Variants in CPT1C observed in about 807,000 individuals in gnomAD.
CPT1C encodes the protein carnitine palmitoyltransferase 1C, also known as palmitoyl thioesterase CPT1C.
CPT1C carries 61 observed loss-of-function variants against 97.3 expected under a neutral mutation model. The observed-to-expected ratio is 0.63, with a 90% CI of 0.51 to 0.78. The LOEUF (loss-of-function observed/expected upper bound fraction) is 0.78. CPT1C is among the 30% of genes least tolerant of loss of function. The probability of loss-of-function intolerance (pLI) is 0.00; values close to 1 mark genes in which losing one functional copy is unlikely to be tolerated. For synonymous variants in CPT1C, 469 were observed against 447.2 expected (o/e 1.05, Z -0.61); for missense variants, 975 against 1,065.5 (o/e 0.92, Z 1.18).
At chr19:49,712,903 T>G (rs2084000610) in intron 18 of CPT1C, 54 bp downstream of exon 18, 1 of 1,588,848 alleles carries the variant, frequency 6.3e-7, no homozygotes, top group African/African-American at 1.3e-5. Flanking sequence ...CTGGGGGGCC[T>G]GCACTCCTGC....
chr19:49,700,787 C>A lies in CPT1C; in HGVS notation c.385C>A (p.Leu129Ile). The change falls in exon 5 of 20, where the codon CTT (leucine) becomes ATT (isoleucine). Residue 129 changes from leucine to isoleucine, a missense_variant. This residue lies in a region of CPT1C where 596 missense variants were observed against 603.1 expected (regional missense o/e 0.99). Transcript: ENST00000598293. The part of the protein sequence containing the change: ...IFTLHVALRL[L>I]LSYHGWLLEP... Reference sequence around the variant, plus strand: ...CACACTGCACGTGGCCCTGAGGCTGCTTCTGTCCTACCACGGCTGGCTTCT... The same window carrying A: ...CACACTGCACGTGGCCCTGAGGCTGATTCTGTCCTACCACGGCTGGCTTCT... The A allele has an allele frequency of 6.2e-7, 1 of 1,613,494 alleles. No individual in the cohort carries two copies.
At chr19:49,694,895 C>T (rs1398375612) in intron 3 of CPT1C, among the ~76,000 whole-genome samples, 1 of 152,136 alleles carries the variant, frequency 6.6e-6, no homozygotes, top group Admixed American at 6.5e-5. Context: ...AATCCCAGCA[C>T]TTTGGGAGGC....
chr19:49,710,631 G>C, intron 15 of CPT1C, 92 bp from the exon 16 acceptor site: 1 of 1,568,084 alleles, frequency 6.4e-7, no homozygotes, highest in Non-Finnish European at 8.8e-7. Flanking sequence ...GGGCTGGCTG[G>C]AGGAGGCTGG....
rs2083490130 is a variant in CPT1C at position 49,706,200 on chromosome 19, G to T, written c.1161-31G>T. The T allele has an allele frequency of 6.5e-7, 1 of 1,543,088 alleles. No individual in the cohort carries two copies. Among genetic ancestry groups the T allele is most frequent in the Middle Eastern group, 1.7e-4 (1 of 5,726 alleles). On this transcript the variant is annotated intron_variant, in intron 11 of 19. Coordinates refer to ENST00000598293, the MANE Select transcript of CPT1C (RefSeq NM_001199753.2). This position sits in a 1 kb window ranked among gnomAD's most constrained non-coding sequence, Gnocchi z 4.8. Reference sequence around the variant, plus strand: ...GTGGGGCCAGGTGGCGGCTGGGCAGGATGGACTCAGGCACATCCCGGGCCC... The same window carrying T: ...GTGGGGCCAGGTGGCGGCTGGGCAGTATGGACTCAGGCACATCCCGGGCCC...
chr19:49,708,814 G>A lies in CPT1C; in HGVS notation c.1541G>A (p.Arg514Gln), dbSNP rs150853576. 6.1e-4 allele frequency: 976 copies of A among 1,613,024 alleles called. 1 individual carries two copies. The highest frequency in any genetic ancestry group is 8.0e-4 in the Non-Finnish European group (941 of 1,179,362). Residue 514 changes from arginine (R) to glutamine (Q), a missense_variant, in exon 14 of 20, where the codon CGG becomes CAG. Transcript: ENST00000598293. ...GACCCCACACTACCCCAGCCCCAGC[G>A]GCTGCAATGGGACCTTCCAGACCAG... ...HPDPTLPQPQRLQWDLPDQIH... is the reference protein window; with the variant it reads ...HPDPTLPQPQQLQWDLPDQIH...
Position 49,710,460 on chromosome 19 carries a change from C to G in CPT1C, c.1707C>G (p.Ile569Met). 1 of 1,614,206 alleles carries G rather than the reference C, an allele frequency of 6.2e-7. No individual in the cohort carries two copies. The change falls in exon 15 of 20, where the codon ATC becomes ATG. Residue 569 changes from isoleucine (I) to methionine (M), a missense_variant. Ile to Met is a conservative substitution (Grantham distance 10). Transcript: ENST00000598293. ...CHLSSDSFIQ[I>M]ALQLAHFRDR... ...TCTCTTCAGACAGCTTCATCCAGATCGCCTTGCAACTGGCCCACTTCCGGG... is the reference window on the plus strand; with the variant it reads ...TCTCTTCAGACAGCTTCATCCAGATGGCCTTGCAACTGGCCCACTTCCGGG...
intron 4 of CPT1C, among the ~76,000 whole-genome samples, chr19:49,700,208 C>T (rs2082924977): frequency 6.6e-6 from 1 of 151,584 alleles, no homozygotes; most frequent in African/African-American, 2.4e-5. Flanking sequence ...GATAGCACCA[C>T]AGCACTCCAG....
rs770092727 is a variant in CPT1C at position 49,705,015 on chromosome 19, G to A, written c.780G>A (p.Leu260=). 1.3e-6 allele frequency: 2 copies of A among 1,596,360 alleles called. No individual in the cohort carries two copies. The highest frequency in any genetic ancestry group is 2.2e-5 in the East Asian group (1 of 44,500). The part of the protein sequence containing the change: ...VNSNYYMMDF[L]YVTPTPLQAA... ...CCTCTCCTGGTCCCCAGGACTTCCTGTATGTCACACCCACGCCTCTGCAGG... is the reference window on the plus strand; with the variant it reads ...CCTCTCCTGGTCCCCAGGACTTCCTATATGTCACACCCACGCCTCTGCAGG... The change falls in exon 9 of 20, where the codon CTG becomes CTA. Residue 260 remains leucine (L), a synonymous_variant. Coordinates refer to ENST00000598293, the MANE Select transcript of CPT1C (RefSeq NM_001199753.2).
chr19:49,701,658 C>A (rs1488075307), intron 7 of CPT1C, 24 bp downstream of exon 7: 1 of 1,580,224 alleles, frequency 6.3e-7, no homozygotes, highest in Non-Finnish European at 8.6e-7. Context: ...CCGCCACCAA[C>A]GCCCCACCTG....
chr19:49,696,306 T>C (rs945973535), intron 3 of CPT1C, among the ~76,000 whole-genome samples: 5 of 151,902 alleles, frequency 3.3e-5, no homozygotes, highest in African/African-American at 1.2e-4. Flanking sequence ...AAACGTTAGT[T>C]ATCTCTCTGA....
intron 13 of CPT1C, among the ~76,000 whole-genome samples, chr19:49,707,886 C>G (rs1267295980): frequency 6.6e-6 from 1 of 151,432 alleles, no homozygotes; most frequent in South Asian, 2.1e-4. Flanking sequence ...GCCTGTAATC[C>G]CTGCTACTCG....
intron 7 of CPT1C, among the ~76,000 whole-genome samples, chr19:49,703,566 TCC>T: frequency 1.6e-5 from 1 of 62,702 alleles, no homozygotes; most frequent in Non-Finnish European, 2.8e-5. Context: ...CTCTCTCTCC[TCC>T]CTCCCTCCCT....
intron 10 of CPT1C, 45 bp downstream of exon 10, chr19:49,705,343 G>C: frequency 2.7e-6 from 4 of 1,466,962 alleles, no homozygotes; most frequent in Non-Finnish European, 3.7e-6. Flanking sequence ...GAACAATATA[G>C]TGGCTAAGAG....
intron 13 of CPT1C, 95 bp downstream of exon 13, chr19:49,707,718 C>G: frequency 1.3e-6 from 1 of 772,406 alleles, no homozygotes; most frequent in Non-Finnish European, 2.0e-6. Context: ...AAAACTGAGG[C>G]TTGGCCGGGC....
In CPT1C at chr19:49,693,579, C is replaced by T. The variant is rs191831750; in HGVS notation, c.141+1186C>T. ...CATTCACCATATATTTATGGGGCATCCGGTAAGGGCCTGGCCCTCTTTAGC... is the reference window on the plus strand; with the variant it reads ...CATTCACCATATATTTATGGGGCATTCGGTAAGGGCCTGGCCCTCTTTAGC... On this transcript the variant is annotated intron_variant, in intron 3 of 19. Transcript: ENST00000598293. Among the ~76,000 whole-genome samples the T allele has an allele frequency of 2.9e-3, 438 of 152,248 alleles. 1 individual carries two copies. The highest frequency in any genetic ancestry group is 5.8e-3 in the Admixed American group (89 of 15,282).
chr19:49,692,483 T>G (rs753582508), intron 3 of CPT1C, 90 bp downstream of exon 3: 144 of 1,499,584 alleles, frequency 9.6e-5, no homozygotes, highest in Non-Finnish European at 1.3e-4. Flanking sequence ...TTCAGCTGGT[T>G]CATTTCTGGG....
intron 14 of CPT1C, among the ~76,000 whole-genome samples, 156 bp downstream of exon 14, chr19:49,708,995 C>T (rs78340461): frequency 0.029 from 4,309 of 150,798 alleles, 68 homozygotes; most frequent in African/African-American, 0.037. Flanking sequence ...AGGCCATATG[C>T]ATCCACAACC....
At chr19:49,711,984 A>G (rs372728015) in intron 17 of CPT1C, 23 bp downstream of exon 17, 1 of 1,608,458 alleles carries the variant, frequency 6.2e-7, no homozygotes, top group South Asian at 1.1e-5. Context: ...GGAAAGGGTT[A>G]GAGAGGGAAG....
At position 49,701,388 on chromosome 19, in the gene CPT1C, C is replaced by T. The variant is rs748021956; in HGVS notation, c.525C>T (p.Pro175=). ...ACCAGCGCTCCCTGCCACGCCAGCC[C>T]GTGCCCTCTGTGCAGGACACCGTGC... is the stretch of plus-strand genomic sequence containing the variant. The part of the protein sequence containing the change: ...FSYQRSLPRQ[P]VPSVQDTVRK... Residue 175 remains proline, a synonymous_variant, in exon 6 of 20, where the codon CCC becomes CCT. Coordinates refer to ENST00000598293, the MANE Select transcript of CPT1C (RefSeq NM_001199753.2). 12 of 1,613,458 alleles carry T rather than the reference C, an allele frequency of 7.4e-6. No individual in the cohort carries two copies. Among genetic ancestry groups the T allele is most frequent in the Middle Eastern group, 1.7e-4 (1 of 6,010 alleles).
Sources: allele counts gnomAD v4.1 joint callset (sites outside exome capture counted in the v4.1 genomes callset), GRCh38; gene constraint gnomAD v4.1.1; regional missense constraint gnomAD v4.1.1; non-coding constraint Gnocchi (gnomAD v3.1); transcripts MANE v1.5; gene names NCBI Gene and HGNC (gene_info 2026-07-23, HGNC 2026-07-21).